The following ITGA3 variants were observed in gnomAD, a reference collection of about 807,000 sequenced individuals.
ITGA3 encodes integrin subunit alpha 3, also known as integrin alpha-3.
A neutral mutation model predicts 131.1 loss-of-function variants in ITGA3; 70 were observed. The ratio of observed to expected loss-of-function variants is 0.53; its 90% confidence interval spans 0.44 to 0.65. The LOEUF (loss-of-function observed/expected upper bound fraction) is 0.65, where lower values mean the gene tolerates loss of function less well. ITGA3 is among the 30% of genes least tolerant of loss of function. The probability of loss-of-function intolerance (pLI) is 0.00; values close to 1 mark genes in which losing one functional copy is unlikely to be tolerated. For synonymous variants in ITGA3, 537 were observed against 571.6 expected, an observed-to-expected ratio of 0.94 and a Z score of 0.86; for missense variants, 1,098 against 1,388.6, an observed-to-expected ratio of 0.79 and a Z score of 3.33.
At chr17:50,082,728 G>C (rs1216325855) in intron 23 of ITGA3, among the ~76,000 whole-genome samples, 1 of 152,200 alleles carries the variant, frequency 6.6e-6, no homozygotes, top group Non-Finnish European at 1.5e-5. Context: ...CAAAAGGATA[G>C]TTGAAAAGAT....
At position 50,073,995 on chromosome 17, in the gene ITGA3, G is replaced by A; in HGVS notation, c.1236G>A (p.Gln412=). The change falls in exon 8 of 26, where the codon CAG becomes CAA. Residue 412 remains glutamine (Q), a synonymous_variant. Transcript: ENST00000320031. The stretch of plus-strand genomic sequence containing the variant: ...GTAGCTCTAAGGGGCTCCTTAGACA[G>A]CCCCAGCAGGTACAGAGAGACGGGG... ...YHSSSKGLLR[Q]PQQVIHGEKL... 6.2e-7 allele frequency: 1 copy of A among 1,612,620 alleles called. No individual in the cohort carries two copies.
chr17:50,083,735 A>AG (rs1182010619), intron 23 of ITGA3, among the ~76,000 whole-genome samples: 4 of 151,638 alleles, frequency 2.6e-5, no homozygotes, highest in Non-Finnish European at 5.9e-5. Context: ...AAAAAAAAAA[A>AG]AAAAGAAACT....
Position 50,090,201 on chromosome 17 carries a change from G to T in ITGA3, c.*1123G>T. ...CCCACCCCATCCAGCCAGACCCCAC[G>T]CTGACCATGCGTCAGGGGCCTAGAG... On this transcript the variant is annotated 3_prime_UTR_variant, in exon 26 of 26. Coordinates refer to ENST00000320031, the MANE Select transcript of ITGA3 (RefSeq NM_002204.4). 2.2e-6 allele frequency: 1 copy of T among 456,152 alleles called. No individual in the cohort carries two copies. Among genetic ancestry groups the T allele is most frequent in the East Asian group, 7.0e-5 (1 of 14,384 alleles). The allele number at this position is 456,152 out of a possible 1,614,324, so 28.3% of individuals were successfully genotyped here. A position where few individuals can be genotyped will look rare whatever the true frequency, so the allele number is the denominator to read the frequency against.
At position 50,064,124 on chromosome 17, in the gene ITGA3, C is replaced by T. The variant is rs1191770568; in HGVS notation, c.254C>T (p.Thr85Ile). The change falls in exon 2 of 26, where the codon ACC becomes ATC. Residue 85 changes from threonine (T) to isoleucine (I), a missense_variant. Physicochemically the swap from Thr to Ile is moderately conservative, Grantham distance 89. Coordinates refer to ENST00000320031, the MANE Select transcript of ITGA3 (RefSeq NM_002204.4). This position sits in a 1 kb window ranked among gnomAD's most constrained non-coding sequence, Gnocchi z 4.4. ...PRELAVPDGYTNRTGAVYLCP... is the reference protein window; with the variant it reads ...PRELAVPDGYINRTGAVYLCP... ...GAGCTCGCTGTGCCCGATGGCTACA[C>T]CAACCGGACTGGTGCTGTGTACCTG... 3.9e-5 allele frequency: 63 copies of T among 1,612,646 alleles called. No individual in the cohort carries two copies. The highest frequency in any genetic ancestry group is 4.8e-5 in the Non-Finnish European group (57 of 1,179,640).
At chr17:50,080,208 G>A (rs1208977232) in intron 21 of ITGA3, 54 bp from the exon 22 acceptor site, 6 of 1,111,946 alleles carry the variant, frequency 5.4e-6, no homozygotes, top group African/African-American at 3.1e-5. Context: ...AGCAAGGCAT[G>A]AAGAATCTGG....
At chr17:50,065,533 T>G (rs1007813276) in intron 3 of ITGA3, 2 of 152,332 alleles carry the variant, frequency 1.3e-5, no homozygotes, top group Middle Eastern at 3.4e-3. Context: ...ATAAACTCAG[T>G]CTTAGAATGT....
chr17:50,088,186 C>A (rs1440972486), intron 24 of ITGA3, 39 bp from the exon 25 acceptor site: 1 of 1,539,508 alleles, frequency 6.5e-7, no homozygotes, highest in Admixed American at 2.0e-5. Flanking sequence ...TAGCCCAGCG[C>A]CCCCCTGATG....
intron 1 of ITGA3, among the ~76,000 whole-genome samples, chr17:50,058,346 C>A (rs1419087877): frequency 6.6e-6 from 1 of 152,220 alleles, no homozygotes; most frequent in Non-Finnish European, 1.5e-5. Context: ...ACCTGAATTT[C>A]CGCACATGTT....
chr17:50,060,993 G>A (rs1908050984), intron 1 of ITGA3, among the ~76,000 whole-genome samples: 2 of 152,184 alleles, frequency 1.3e-5, no homozygotes, highest in Admixed American at 1.3e-4. Flanking sequence ...GGAGGAAGCT[G>A]GAACCACCCT....
intron 23 of ITGA3, among the ~76,000 whole-genome samples, chr17:50,082,462 C>T (rs1294559536): frequency 1.3e-5 from 2 of 152,100 alleles, no homozygotes; most frequent in African/African-American, 4.8e-5. Context: ...CAGGCATGAG[C>T]CACTGTGCCT....
At chr17:50,084,660 C>T (rs564172028) in intron 23 of ITGA3, among the ~76,000 whole-genome samples, 1 of 152,206 alleles carries the variant, frequency 6.6e-6, no homozygotes, top group African/African-American at 2.4e-5. Context: ...TGGCTTATGC[C>T]TATAATCCTA....
At chr17:50,085,290 A>G (rs1404597625) in intron 23 of ITGA3, among the ~76,000 whole-genome samples, 3 of 152,054 alleles carry the variant, frequency 2.0e-5, no homozygotes, top group African/African-American at 7.2e-5. Flanking sequence ...ATTTATGTAG[A>G]TCATATTAAT....
chr17:50,081,630 G>C (rs1257502587), intron 23 of ITGA3, among the ~76,000 whole-genome samples: 1 of 152,212 alleles, frequency 6.6e-6, no homozygotes, highest in African/African-American at 2.4e-5. Context: ...GGTCCCCCAA[G>C]TGATGCTAAT....
chr17:50,079,282 T>C (rs1378962373), intron 20 of ITGA3, 24 bp downstream of exon 20: 1 of 1,610,846 alleles, frequency 6.2e-7, no homozygotes, highest in East Asian at 2.2e-5. Context: ...CAGGGATATT[T>C]CATTTGCATG....
chr17:50,064,442 G>A lies in ITGA3; in HGVS notation c.335-86G>A, dbSNP rs1908234043. On this transcript the variant is annotated intron_variant, in intron 2 of 25. Transcript: ENST00000320031. This position sits in a 1 kb window ranked among gnomAD's most constrained non-coding sequence, Gnocchi z 4.4. ...GCTGCCCTGTGGGTGGAGGGCCCAA[G>A]CGGGACCCACTCCTGCCCTCTGGAG... 1.5e-6 allele frequency: 2 copies of A among 1,353,462 alleles called. No individual in the cohort carries two copies. The highest frequency in any genetic ancestry group is 2.9e-5 in the African/African-American group (2 of 70,160). The allele number at this position is 1,353,462 out of a possible 1,614,324, so 83.8% of individuals were successfully genotyped here. A position where few individuals can be genotyped will look rare whatever the true frequency, so the allele number is the denominator to read the frequency against.
rs1223154116 is a variant in ITGA3, at chr17:50,088,235, T to C, written c.3056T>C (p.Phe1019Ser). The change falls in exon 25 of 26, where the codon TTC becomes TCC. Residue 1019 changes from phenylalanine to serine, a missense_variant. Around this residue, in one of 3 missense-constraint regions of ITGA3, gnomAD observed 699 missense variants for 829.2 expected, o/e 0.84. Coordinates refer to ENST00000320031, the MANE Select transcript of ITGA3 (RefSeq NM_002204.4). ...TCCTCCCCTCCGCAGTGCGGCTTCT[T>C]CAAGCGAGCCCGCACTCGCGCCCTG... Reference protein sequence around the residue: ...IILLLWKCGFFKRARTRALYE... With the variant: ...IILLLWKCGFSKRARTRALYE... 20 of 1,564,512 alleles carry C rather than the reference T, an allele frequency of 1.3e-5. No homozygotes were observed. The highest frequency in any genetic ancestry group is 1.7e-5 in the Non-Finnish European group (20 of 1,154,456).
At chr17:50,077,545 C>T (rs1567702270) in intron 16 of ITGA3, 98 bp downstream of exon 16, 4 of 987,232 alleles carry the variant, frequency 4.1e-6, no homozygotes, top group Non-Finnish European at 6.4e-6. Context: ...GCTTTCTGGG[C>T]TCCCTCGAAG....
Position 50,064,376 on chromosome 17 carries a change from A to C in ITGA3, c.335-152A>C. ...GAGTGGGGCTGGATGGGATTGGTAGAGCTCAGAATAATGACGAGCTGGAGA... is the reference window on the plus strand; with the variant it reads ...GAGTGGGGCTGGATGGGATTGGTAGCGCTCAGAATAATGACGAGCTGGAGA... On this transcript the variant is annotated intron_variant, in intron 2 of 25. Transcript: ENST00000320031. This position sits in a 1 kb window ranked among gnomAD's most constrained non-coding sequence, Gnocchi z 4.4. The C allele has an allele frequency of 8.9e-7, 1 of 1,124,528 alleles. No homozygotes were observed. The highest frequency in any genetic ancestry group is 1.5e-5 in the African/African-American group (1 of 64,870). 69.7% of individuals were successfully genotyped at this position (1,124,528 alleles called of 1,614,324 possible).
At position 50,081,419 on chromosome 17, in the gene ITGA3, A is replaced by G. The variant is rs1401512089; in HGVS notation, c.2919+11A>G. The stretch of plus-strand genomic sequence containing the variant: ...AACAAGACCACGTGGGTGAGTGCGC[A>G]TGTTCACTAGGACAGCAGTCTCCAG... On this transcript the variant is annotated intron_variant, in intron 23 of 25. Coordinates refer to ENST00000320031, the MANE Select transcript of ITGA3 (RefSeq NM_002204.4). 1 of 1,554,248 alleles carries G rather than the reference A, an allele frequency of 6.4e-7. No individual in the cohort carries two copies. Among genetic ancestry groups the G allele is most frequent in the East Asian group, 2.4e-5 (1 of 42,448 alleles).
Sources: gnomAD v4.1 joint callset for allele counts (sites outside exome capture counted in the v4.1 genomes callset) on GRCh38, gnomAD v4.1.1 for gene constraint, gnomAD v4.1.1 regional missense constraint, Gnocchi (gnomAD v3.1) non-coding constraint, MANE v1.5 for transcripts, NCBI Gene and HGNC (gene_info 2026-07-23, HGNC 2026-07-21) for gene names.